LAMA3: variants seen among roughly 807,000 people sequenced by gnomAD.
LAMA3 encodes the protein laminin subunit alpha 3, also known as laminin subunit alpha-3.
Under a neutral mutation model 402.0 loss-of-function variants are expected in LAMA3, and 281 were observed. That is an observed-to-expected ratio of 0.70 (90% confidence interval 0.63 to 0.77). The LOEUF is 0.77. LAMA3 is among the 30% of genes least tolerant of loss of function. The pLI is 0.00. For synonymous variants in LAMA3, 1,431 were observed against 1,558.4 expected (o/e 0.92, Z 1.93); for missense variants, 3,840 against 4,215.5 (o/e 0.91, Z 2.47).
intron 2 of LAMA3, among the ~76,000 whole-genome samples, chr18:23,726,164 G>A (rs541871491): frequency 1.3e-5 from 2 of 152,318 alleles, no homozygotes; most frequent in African/African-American, 2.4e-5. Context: ...GCCCAGAGCC[G>A]GGAAATGCAG....
rs138045600 is a variant in LAMA3 at position 23,709,804 on chromosome 18, G to A, written c.295-4116G>A. 2.5e-3 allele frequency: 1,593 copies of A among 638,208 alleles called. 48 individuals are homozygous for A. In the African/African-American group the frequency reaches 0.026, roughly 10 times the overall value. The allele number at this position is 638,208 out of a possible 1,614,324, so 39.5% of individuals were successfully genotyped here. A position where few individuals can be genotyped will look rare whatever the true frequency, so the allele number is the denominator to read the frequency against. On this transcript the variant is annotated intron_variant, in intron 1 of 74. Transcript: ENST00000313654. ...TTCTTTCTTTTTTTCTGGTGAATTA[G>A]CCAGCCAGACTCAGTTTAGATGATC...
rs767763498 is a variant in LAMA3, at chr18:23,751,065, C to T, written c.832C>T (p.Arg278Ter). The T allele has an allele frequency of 2.5e-6, 4 of 1,613,942 alleles. No individual in the cohort carries two copies. Among genetic ancestry groups the T allele is most frequent in the Middle Eastern group, 1.6e-4 (1 of 6,082 alleles). ...TGGACACCTCATCTCCAAAGCCCAG[C>T]GAGATCCAACTGTCACTCGGCGGGT... ...LLGHLISKAQ[R>*]DPTVTRRYYY... Residue 278 changes from arginine to a stop codon, truncating the protein, a stop_gained, in exon 5 of 75, where the codon CGA (arginine) becomes TGA (stop). Transcript: ENST00000313654. LOFTEE classifies it high-confidence loss of function.
rs546328935 is a variant in LAMA3, at chr18:23,931,151, G to A, written c.8526G>A (p.Thr2842=). The change falls in exon 65 of 75, where the codon ACG becomes ACA. Residue 2842 remains threonine, a synonymous_variant. Transcript: ENST00000313654. ...GCCCAATTTTTAAATCTCCACAGAC[G>A]TATATGGATGGTTTACTGCATTATG... is the stretch of plus-strand genomic sequence containing the variant. ...SGGPIFKSPQ[T]YMDGLLHYVS... 35 of 1,613,044 alleles carry A rather than the reference G, an allele frequency of 2.2e-5. No individual in the cohort carries two copies. The highest frequency in any genetic ancestry group is 6.7e-5 in the East Asian group (3 of 44,886).
chr18:23,788,805 G>A (rs1318863530), intron 12 of LAMA3, among the ~76,000 whole-genome samples: 1 of 151,538 alleles, frequency 6.6e-6, no homozygotes, highest in African/African-American at 2.4e-5. Flanking sequence ...GCACTCGAAA[G>A]GGCACTATCA....
intron 2 of LAMA3, among the ~76,000 whole-genome samples, chr18:23,746,590 C>A (rs148070586): frequency 1.8e-3 from 271 of 152,244 alleles, no homozygotes; most frequent in African/African-American, 6.0e-3. Flanking sequence ...CCAAAAATTT[C>A]ATGTTTTAGA....
intron 41 of LAMA3, among the ~76,000 whole-genome samples, chr18:23,887,137 C>T (rs1287703427): frequency 6.6e-6 from 1 of 152,224 alleles, no homozygotes; most frequent in Non-Finnish European, 1.5e-5. Context: ...TGGCACAGTG[C>T]TAAGTACTGG....
At chr18:23,752,993 G>A (rs2061780237) in intron 5 of LAMA3, among the ~76,000 whole-genome samples, 1 of 152,232 alleles carries the variant, frequency 6.6e-6, no homozygotes, top group African/African-American at 2.4e-5. Context: ...GAAGGTTGCT[G>A]GCAGAGGGAG....
chr18:23,831,971 C>T (rs141103888), intron 23 of LAMA3, among the ~76,000 whole-genome samples: 1 of 152,318 alleles, frequency 6.6e-6, no homozygotes, highest in Admixed American at 6.5e-5. Context: ...ATAATCATAA[C>T]AGCAAGCAGT....
At chr18:23,814,585 G>A (rs1023346882) in intron 15 of LAMA3, 83 bp downstream of exon 15, 2 of 869,528 alleles carry the variant, frequency 2.3e-6, no homozygotes, top group African/African-American at 3.4e-5. Context: ...CCACAAAAGA[G>A]CTATTTGTTG....
chr18:23,729,563 G>A (rs1245946681), intron 2 of LAMA3, among the ~76,000 whole-genome samples: 1 of 152,094 alleles, frequency 6.6e-6, no homozygotes, highest in Non-Finnish European at 1.5e-5. Context: ...GTAAGTCTTC[G>A]AAAACTCTTC....
chr18:23,762,849 T>C, intron 7 of LAMA3, among the ~76,000 whole-genome samples: 1 of 119,120 alleles, frequency 8.4e-6, no homozygotes, highest in Non-Finnish European at 1.6e-5. Flanking sequence ...TCCCAAGTAG[T>C]ATATATATAT....
chr18:23,720,599 C>T (rs1158246047), intron 2 of LAMA3, among the ~76,000 whole-genome samples: 1 of 152,096 alleles, frequency 6.6e-6, no homozygotes, highest in Non-Finnish European at 1.5e-5. Context: ...CGTGATCCAC[C>T]CACCTCAGCC....
chr18:23,836,089 G>T (rs955653886), intron 24 of LAMA3, among the ~76,000 whole-genome samples: 1 of 142,600 alleles, frequency 7.0e-6, no homozygotes, highest in Non-Finnish European at 1.5e-5. Flanking sequence ...AAATCCAAAA[G>T]AATGTGTTTT....
chr18:23,939,505 T>G, intron 68 of LAMA3, 119 bp downstream of exon 68: 1 of 1,103,144 alleles, frequency 9.1e-7, no homozygotes, highest in Non-Finnish European at 1.4e-6. Context: ...GGCACTACCA[T>G]TTTTGTGCAA....
intron 67 of LAMA3, among the ~76,000 whole-genome samples, chr18:23,934,560 G>A (rs1251063166): frequency 6.6e-6 from 1 of 152,200 alleles, no homozygotes; most frequent in Non-Finnish European, 1.5e-5. Context: ...AGGGTTTAAG[G>A]AGCTCCTTGC....
At chr18:23,716,941 A>G (rs2061111793) in intron 2 of LAMA3, among the ~76,000 whole-genome samples, 1 of 152,204 alleles carries the variant, frequency 6.6e-6, no homozygotes, top group Non-Finnish European at 1.5e-5. Context: ...TTCATTTAAA[A>G]CTTCTTTAGA....
chr18:23,875,769 C>T (rs911871563), intron 38 of LAMA3, among the ~76,000 whole-genome samples: 1 of 152,174 alleles, frequency 6.6e-6, no homozygotes, highest in Non-Finnish European at 1.5e-5. Context: ...ATGTCCTCCC[C>T]TCTAAGGACG....
intron 42 of LAMA3, among the ~76,000 whole-genome samples, chr18:23,893,848 T>C (rs1363371815): frequency 2.0e-5 from 3 of 152,226 alleles, no homozygotes; most frequent in African/African-American, 7.2e-5. Context: ...TTGCACAATG[T>C]TCTTGAATGA....
Position 23,899,399 on chromosome 18 carries a change from G to T in LAMA3, c.5948G>T (p.Arg1983Met), listed in dbSNP as rs543496582. 2.5e-6 allele frequency: 4 copies of T among 1,614,170 alleles called. No homozygotes were observed. In the South Asian group the frequency reaches 4.4e-5, roughly 18 times the overall value. Residue 1983 changes from arginine (R) to methionine (M), a missense_variant, in exon 47 of 75, where the codon AGG becomes ATG. Arg to Met is a moderately conservative substitution (Grantham distance 91). Transcript: ENST00000313654. ...AQRMMRELRN[R>M]NFGKHLREAE... ...CGCATGATGAGGGAACTGCGGAACA[G>T]GAACTTTGGAAAGCACCTCAGAGAA...
Sources: allele counts gnomAD v4.1 joint callset (sites outside exome capture counted in the v4.1 genomes callset), GRCh38; gene constraint gnomAD v4.1.1; transcripts MANE v1.5; gene names NCBI Gene and HGNC (gene_info 2026-07-23, HGNC 2026-07-21).